The following PUDP variants were observed in gnomAD, a reference collection of about 807,000 sequenced individuals.
PUDP encodes the protein pseudouridine 5'-phosphatase, also known as pseudouridine-5'-phosphatase.
PUDP carries 8 observed loss-of-function variants against 9.4 expected under a neutral mutation model. That is an observed-to-expected ratio of 0.85 (90% CI 0.50 to 1.53). The LOEUF is 1.53. Among genes scored for constraint, PUDP ranks in the 40% most tolerant of loss-of-function variants. PUDP has a pLI of 0.00. For missense variants in PUDP, 188 were observed against 189.7 expected (o/e 0.99, Z 0.05); for synonymous variants, 99 against 80.7 (o/e 1.23, Z -1.22).
At chrX:6,762,124 C>T (rs1230010329) in intron 3 of PUDP, among the ~76,000 whole-genome samples, 2 of 111,031 alleles carry the variant, frequency 1.8e-5, no homozygotes, top group Non-Finnish European at 3.8e-5. Context: ...TCAGGGAGGT[C>T]GAAGCTGCAG....
chrX:7,036,877 T>C (rs2146828977), intron 1 of PUDP, among the ~76,000 whole-genome samples: 1 of 112,428 alleles, frequency 8.9e-6, no homozygotes, highest in Admixed American at 9.4e-5. Context: ...TATCAGTTCT[T>C]CCTTAAAGCC....
At chrX:7,056,541 A>G (rs767757047) in intron 3 of PUDP, among the ~76,000 whole-genome samples, 2 of 111,870 alleles carry the variant, frequency 1.8e-5, no homozygotes, top group South Asian at 7.6e-4. Flanking sequence ...TGGACCTTCT[A>G]AGGCTGACTT....
chrX:6,837,840 A>G (rs1169785727), intron 3 of PUDP, among the ~76,000 whole-genome samples: 1 of 109,851 alleles, frequency 9.1e-6, no homozygotes, highest in Non-Finnish European at 1.9e-5. Flanking sequence ...CAAGGGAATC[A>G]GCCATCCTAG....
chrX:6,867,771 C>T (rs1287783794), intron 3 of PUDP, among the ~76,000 whole-genome samples: 5 of 111,293 alleles, frequency 4.5e-5, no homozygotes, highest in African/African-American at 9.8e-5. Flanking sequence ...CAGAATACCA[C>T]AGACTGGGTA....
At chrX:6,972,542 T>A (rs766761835) in intron 3 of PUDP, among the ~76,000 whole-genome samples, 17 of 112,355 alleles carry the variant, frequency 1.5e-4, no homozygotes, top group African/African-American at 5.2e-4. Context: ...CAGCCTTGTA[T>A]CCCAGGAATG....
chrX:7,138,593 G>A (rs997660514), intron 1 of PUDP, among the ~76,000 whole-genome samples: 12 of 111,130 alleles, frequency 1.1e-4, no homozygotes, highest in African/African-American at 3.9e-4. Context: ...GGGTGGTCTC[G>A]AACTCTTGGC....
intron 3 of PUDP, among the ~76,000 whole-genome samples, chrX:6,733,154 A>G (rs1924831017): frequency 8.9e-6 from 1 of 112,204 alleles, no homozygotes; most frequent in African/African-American, 3.2e-5. Context: ...GGGAAAAGGA[A>G]CAGGAATGCT....
upstream of PUDP, among the ~76,000 whole-genome samples, chrX:6,721,719 G>C (rs5948739): frequency 6.3e-5 from 7 of 111,431 alleles, no homozygotes; most frequent in Non-Finnish European, 5.6e-5. Flanking sequence ...TAAAGGGAAG[G>C]TTCAATATCT....
intron 3 of PUDP, among the ~76,000 whole-genome samples, chrX:6,952,487 A>G (rs779757587): frequency 2.7e-5 from 3 of 112,024 alleles, no homozygotes; most frequent in African/African-American, 9.7e-5. Context: ...CTAGGATTCA[A>G]TCCAGGACAC....
chrX:6,784,505 G>T (rs1029650837), intron 3 of PUDP, among the ~76,000 whole-genome samples: 3 of 111,302 alleles, frequency 2.7e-5, no homozygotes, highest in Non-Finnish European at 5.7e-5. Flanking sequence ...GTCTACCGAA[G>T]GGAAACCAGC....
intron 3 of PUDP, among the ~76,000 whole-genome samples, chrX:6,765,133 A>ATC (rs1173078221): frequency 9.1e-6 from 1 of 110,021 alleles, no homozygotes; most frequent in Non-Finnish European, 1.9e-5. Flanking sequence ...TACAAAAATT[A>ATC]TCTGGGTGTG....
At chrX:7,121,388 T>G (rs893478032) in intron 1 of PUDP, among the ~76,000 whole-genome samples, 1 of 111,490 alleles carries the variant, frequency 9.0e-6, no homozygotes. Flanking sequence ...TGCCCATGTT[T>G]TGGGGCTCTT....
rs757216196 is a variant in PUDP, at chrX:7,119,259, G to C, written c.62-13421C>G. Among the ~76,000 whole-genome samples the C allele has an allele frequency of 2.7e-5, 3 of 112,620 alleles. No individual in the cohort carries two copies. The Admixed American group carries it at 2.8e-4, about 11-fold the overall frequency. On this transcript the variant is annotated intron_variant, in intron 1 of 3. Coordinates refer to ENST00000381077, the MANE Select transcript of PUDP (RefSeq NM_012080.5). The stretch of plus-strand genomic sequence containing the variant: ...AATCATCTGTTCTTCAACAAATGTT[G>C]CAAGTTGTTAACACGCTGTGAGCAC...
In PUDP at chrX:6,983,414, C is replaced by T. The variant is rs143216470; in HGVS notation, c.205-5071G>A. On this transcript the variant is annotated intron_variant and NMD_transcript_variant, in intron 1 of 3. Transcript: ENST00000655425. ...GTTGGCAGGTCCAGATGGGGCCATC[C>T]GGTTGTTAGAAATGCAAAAACATGA... Among the ~76,000 whole-genome samples the T allele has an allele frequency of 3.9e-3, 428 of 110,833 alleles. 3 individuals are homozygous for T. Among genetic ancestry groups the T allele is most frequent in the African/African-American group, 0.013 (403 of 30,482 alleles).
chrX:6,871,879 T>G (rs1927180123), intron 3 of PUDP, among the ~76,000 whole-genome samples: 1 of 111,760 alleles, frequency 8.9e-6, no homozygotes, highest in Admixed American at 9.5e-5. Context: ...AACCATGAAC[T>G]GATAGCTTTT....
chrX:6,744,010 C>G (rs761530298), intron 3 of PUDP, among the ~76,000 whole-genome samples: 34 of 111,419 alleles, frequency 3.1e-4, no homozygotes, highest in African/African-American at 9.8e-4. Context: ...CTCTTAGCTA[C>G]CCCATGGAGG....
Position 7,071,777 on chromosome X carries a change from A to AT in PUDP, c.510+5442dup, listed in dbSNP as rs10634327. On this transcript the variant is annotated intron_variant, in intron 3 of 3. Coordinates refer to ENST00000381077, the MANE Select transcript of PUDP (RefSeq NM_012080.5). Reference sequence around the variant, plus strand: ...AGTCACCACCCAGAATGTACTCTCTATTTTTTTTTTTTCCTTTGAGACAGA... The same window carrying AT: ...AGTCACCACCCAGAATGTACTCTCTATTTTTTTTTTTTTCCTTTGAGACAGA... Among the ~76,000 whole-genome samples, 585 of 96,677 alleles carry AT rather than the reference A, an allele frequency of 6.1e-3. 4 individuals carry two copies. The highest frequency in any genetic ancestry group is 0.022 in the Middle Eastern group (4 of 180). The allele number at this position is 96,677 out of a possible 115,157, so 84.0% of individuals were successfully genotyped here. A position where few individuals can be genotyped will look rare whatever the true frequency, so the allele number is the denominator to read the frequency against.
At chrX:6,737,565 T>C (rs1800386046) in intron 3 of PUDP, among the ~76,000 whole-genome samples, 1 of 97,321 alleles carries the variant, frequency 1.0e-5, no homozygotes, top group Non-Finnish European at 2.1e-5. Context: ...ATTCCTGGAA[T>C]GCCCTAGGCA....
intron 3 of PUDP, among the ~76,000 whole-genome samples, chrX:6,913,097 C>T (rs956516472): frequency 2.7e-5 from 3 of 111,511 alleles, no homozygotes; most frequent in East Asian, 5.6e-4. Flanking sequence ...ATACTTATAT[C>T]GCTTACAAAT....
Sources: allele counts gnomAD v4.1 joint callset (sites outside exome capture counted in the v4.1 genomes callset), GRCh38; gene constraint gnomAD v4.1.1; transcripts MANE v1.5; gene names NCBI Gene and HGNC (gene_info 2026-07-23, HGNC 2026-07-21).